Variants in RBFOX1 observed in about 807,000 individuals in gnomAD.
RBFOX1 encodes the protein RNA binding protein fox-1 homolog 1.
Under a neutral mutation model 57.7 loss-of-function variants are expected in RBFOX1, and 8 were observed. The observed-to-expected ratio is 0.14, with a 90% CI of 0.08 to 0.25. The LOEUF (loss-of-function observed/expected upper bound fraction) is 0.25, where lower values mean the gene tolerates loss of function less well. RBFOX1 is among the 10% of genes least tolerant of loss of function. The pLI is 1.00. For synonymous variants in RBFOX1, 326 were observed against 222.4 expected, an observed-to-expected ratio of 1.47 and a Z score of -4.15; for missense variants, 611 against 548.5, an observed-to-expected ratio of 1.11 and a Z score of -1.14.
At position 5,851,534 on chromosome 16, in the gene RBFOX1, G is replaced by C. The variant is rs575618106; in HGVS notation, c.319-15769G>C. On this transcript the variant is annotated intron_variant, in intron 3 of 19. Transcript: ENST00000641259. The stretch of plus-strand genomic sequence containing the variant: ...GCTCAGGGGTCACTGGGCAGGACGA[G>C]GTAATAAGAAAAGCAAACGGTCAAC... 5.9e-5 allele frequency among the ~76,000 whole-genome samples: 9 copies of C among 152,278 alleles called. No individual in the cohort carries two copies. The South Asian group carries it at 1.2e-3, about 21-fold the overall frequency.
chr16:7,484,716 A>C (rs1472937330), intron 4 of RBFOX1, among the ~76,000 whole-genome samples: 15 of 152,174 alleles, frequency 9.9e-5, no homozygotes, highest in Admixed American at 9.8e-4. Context: ...CGCTCGCTTC[A>C]GCCTCCCAAA....
At chr16:6,154,518 A>C (rs1269035968) in intron 1 of RBFOX1, among the ~76,000 whole-genome samples, 1 of 152,136 alleles carries the variant, frequency 6.6e-6, no homozygotes, top group East Asian at 1.9e-4. Flanking sequence ...CTTTGAGGTA[A>C]GGTAGGAATA....
At chr16:5,998,149 G>C (rs1463797532) in intron 4 of RBFOX1, among the ~76,000 whole-genome samples, 1 of 152,282 alleles carries the variant, frequency 6.6e-6, no homozygotes, top group Non-Finnish European at 1.5e-5. Context: ...CCAAGTCCCT[G>C]TACGAAGTCC....
chr16:7,624,805 C>T (rs2059837289), intron 10 of RBFOX1, among the ~76,000 whole-genome samples: 1 of 152,170 alleles, frequency 6.6e-6, no homozygotes, highest in South Asian at 2.1e-4. Context: ...TCTGCACCAC[C>T]ACACAGTAGA....
In RBFOX1 at chr16:6,693,926, C is replaced by G. The variant is rs1038898839; in HGVS notation, c.-16+39276C>G. Reference sequence around the variant, plus strand: ...TGAGAATCATCTAATTGACTGTTTACCCATATGAAGTAGACACTATTATTT... The same window carrying G: ...TGAGAATCATCTAATTGACTGTTTAGCCATATGAAGTAGACACTATTATTT... On this transcript the variant is annotated intron_variant, in intron 3 of 15. Transcript: ENST00000550418. Among the ~76,000 whole-genome samples, 5 of 152,188 alleles carry G rather than the reference C, an allele frequency of 3.3e-5. No homozygotes were observed. In the East Asian group the frequency reaches 9.6e-4, roughly 29 times the overall value.
In RBFOX1 at chr16:7,362,890, G is replaced by C. The variant is rs559664674; in HGVS notation, c.28-155257G>C. Among the ~76,000 whole-genome samples the C allele has an allele frequency of 6.6e-5, 10 of 152,308 alleles. No individual in the cohort carries two copies. The South Asian group carries it at 2.1e-3, about 32-fold the overall frequency. ...GTTAAGAGTCCAGATGTGAGAGTCA[G>C]ATATTGCTGGAGTCATTTCCTAACT... On this transcript the variant is annotated intron_variant, in intron 4 of 15. Transcript: ENST00000550418.
intron 3 of RBFOX1, among the ~76,000 whole-genome samples, chr16:6,824,430 A>C (rs1464783500): frequency 6.6e-6 from 1 of 152,224 alleles, no homozygotes; most frequent in Non-Finnish European, 1.5e-5. Context: ...CAGTTATCTT[A>C]CTGTCAAGGC....
chr16:7,038,863 C>T (rs1250611467), intron 3 of RBFOX1, among the ~76,000 whole-genome samples: 2 of 152,160 alleles, frequency 1.3e-5, no homozygotes, highest in African/African-American at 2.4e-5. Flanking sequence ...AGCACTTCCT[C>T]CCAAGAAAAC....
At chr16:6,915,427 C>T (rs79143993) in intron 3 of RBFOX1, among the ~76,000 whole-genome samples, 13,662 of 152,136 alleles carry the variant, frequency 0.09, 852 homozygotes, top group East Asian at 0.33. Flanking sequence ...CCACGTAGCC[C>T]GTTTTCTTAT....
At chr16:5,730,712 G>C (rs73523903) in intron 3 of RBFOX1, among the ~76,000 whole-genome samples, 66,435 of 151,506 alleles carry the variant, frequency 0.44, 18,081 homozygotes, top group East Asian at 0.79. Flanking sequence ...ATCATTACCA[G>C]CTTATTATTA....
chr16:6,131,550 C>G (rs139873663), intron 1 of RBFOX1, among the ~76,000 whole-genome samples: 1 of 152,316 alleles, frequency 6.6e-6, no homozygotes, highest in Non-Finnish European at 1.5e-5. Flanking sequence ...GAAGCATCTC[C>G]AATCTATTCC....
chr16:7,337,795 C>T (rs1452986249), intron 4 of RBFOX1, among the ~76,000 whole-genome samples: 2 of 152,186 alleles, frequency 1.3e-5, no homozygotes, highest in Non-Finnish European at 2.9e-5. Context: ...AGCGATTCTC[C>T]TGCCTCAGCC....
intron 2 of RBFOX1, among the ~76,000 whole-genome samples, chr16:6,330,781 G>A (rs1020944975): frequency 6.6e-6 from 1 of 152,192 alleles, no homozygotes; most frequent in Non-Finnish European, 1.5e-5. Flanking sequence ...AAACACACCA[G>A]CGTGTGATAA....
chr16:6,456,957 T>C (rs539891121), intron 2 of RBFOX1, among the ~76,000 whole-genome samples: 1 of 152,264 alleles, frequency 6.6e-6, no homozygotes, highest in South Asian at 2.1e-4. Context: ...ATGTCTGAGA[T>C]GTTTGGAAGA....
At chr16:7,630,559 T>A (rs1000495562) in intron 10 of RBFOX1, 44 bp from the exon 11 acceptor site, 2 of 1,611,542 alleles carry the variant, frequency 1.2e-6, no homozygotes, top group African/African-American at 2.7e-5. Context: ...AGGTGTAGTG[T>A]ACCGATTCCC....
intron 5 of RBFOX1, among the ~76,000 whole-genome samples, chr16:7,528,062 A>G (rs1271768677): frequency 1.3e-5 from 2 of 152,214 alleles, no homozygotes; most frequent in Non-Finnish European, 1.5e-5. Flanking sequence ...GTGGGCAAAC[A>G]AAGTGAGATT....
chr16:6,223,850 C>G (rs1248855260), intron 1 of RBFOX1, among the ~76,000 whole-genome samples: 2 of 152,146 alleles, frequency 1.3e-5, no homozygotes, highest in Non-Finnish European at 2.9e-5. Context: ...ACATTTAAGT[C>G]TTTAATCCAT....
chr16:5,678,936 C>T (rs775526853), intron 3 of RBFOX1, among the ~76,000 whole-genome samples: 6 of 152,096 alleles, frequency 3.9e-5, no homozygotes, highest in Admixed American at 1.3e-4. Flanking sequence ...AATGGTAATG[C>T]GGAGGATGTA....
At chr16:5,810,904 C>T (rs1184420535) in intron 3 of RBFOX1, among the ~76,000 whole-genome samples, 3 of 152,144 alleles carry the variant, frequency 2.0e-5, no homozygotes, top group Admixed American at 2.0e-4. Flanking sequence ...AAACTTCACA[C>T]ATATGAAGAG....
Sources: gnomAD v4.1 joint callset for allele counts (sites outside exome capture counted in the v4.1 genomes callset) on GRCh38, gnomAD v4.1.1 for gene constraint, MANE v1.5 for transcripts, NCBI Gene and HGNC (gene_info 2026-07-23, HGNC 2026-07-21) for gene names.